The following EEA1 variants were observed in gnomAD, a reference collection of about 807,000 sequenced individuals.
The protein encoded by EEA1 is early endosome antigen 1, 162kD.
Under a neutral mutation model 209.2 loss-of-function variants are expected in EEA1, and 111 were observed. The observed-to-expected ratio is 0.53, with a 90% CI of 0.45 to 0.62. EEA1 has a LOEUF of 0.62. Ranked by LOEUF, EEA1 falls within the 20% of genes least tolerant of loss-of-function variation. The pLI is 0.00. For missense variants in EEA1, 1,343 were observed against 1,530.8 expected, an observed-to-expected ratio of 0.88 and a Z score of 2.05; for synonymous variants, 536 against 540.6, an observed-to-expected ratio of 0.99 and a Z score of 0.12.
At chr12:92,860,300 C>T (rs1321521479) in intron 3 of EEA1, among the ~76,000 whole-genome samples, 1 of 152,130 alleles carries the variant, frequency 6.6e-6, no homozygotes, top group Non-Finnish European at 1.5e-5. Flanking sequence ...GAGTACTCCA[C>T]ACTGCACAAT....
intron 9 of EEA1, among the ~76,000 whole-genome samples, chr12:92,848,153 T>G (rs990284692): frequency 1.3e-5 from 2 of 151,860 alleles, no homozygotes; most frequent in African/African-American, 4.8e-5. Context: ...AAAGATAAAT[T>G]TTTATGAAAA....
intron 21 of EEA1, among the ~76,000 whole-genome samples, chr12:92,791,493 C>T (rs889056621): frequency 1.3e-5 from 2 of 152,030 alleles, no homozygotes; most frequent in African/African-American, 4.8e-5. Context: ...TGATAAAACA[C>T]ACTTTAAACC....
intron 2 of EEA1, among the ~76,000 whole-genome samples, chr12:92,869,003 A>AT (rs1878515610): frequency 2.2e-5 from 2 of 90,936 alleles, no homozygotes; most frequent in South Asian, 1.2e-3. Context: ...GGATGGGTAG[A>AT]TTAAAAAAAA....
chr12:92,780,745 T>C (rs1251021739), intron 23 of EEA1, among the ~76,000 whole-genome samples: 1 of 152,206 alleles, frequency 6.6e-6, no homozygotes, highest in Non-Finnish European at 1.5e-5. Context: ...CTAGTTAGGA[T>C]ATTATCTCAG....
At chr12:92,894,167 C>T (rs1349753523) in intron 1 of EEA1, among the ~76,000 whole-genome samples, 1 of 152,146 alleles carries the variant, frequency 6.6e-6, no homozygotes, top group South Asian at 2.1e-4. Context: ...ACAACCCATA[C>T]CCATATAAGA....
At chr12:92,791,845 T>A (rs1165990999) in intron 21 of EEA1, among the ~76,000 whole-genome samples, 1 of 152,168 alleles carries the variant, frequency 6.6e-6, no homozygotes, top group African/African-American at 2.4e-5. Flanking sequence ...ACATCACACT[T>A]ATTCTAAAAT....
chr12:92,784,495 G>A (rs933528842), intron 22 of EEA1, among the ~76,000 whole-genome samples: 7 of 152,172 alleles, frequency 4.6e-5, no homozygotes, highest in African/African-American at 1.7e-4. Context: ...ACGCTTGCTA[G>A]AGCCTGGAAA....
chr12:92,859,026 G>A lies in EEA1; in HGVS notation c.246-1541C>T, dbSNP rs566378249. ...TTGTTAAAGGAGGTCTGTGCAGAAC[G>A]GTTCTTGTTCAGGTCTCTTATTCTA... On this transcript the variant is annotated intron_variant, in intron 3 of 28. Transcript: ENST00000322349. The A allele has an allele frequency of 7.9e-5, 54 of 686,946 alleles. No homozygotes were observed. In the African/African-American group the frequency reaches 9.1e-4, roughly 12 times the overall value. The allele number at this position is 686,946 out of a possible 1,614,324, so 42.6% of individuals were successfully genotyped here.
Position 92,801,616 on chromosome 12 carries a change from A to T in EEA1, c.2756T>A (p.Leu919His). Residue 919 changes from leucine (L) to histidine (H), a missense_variant, in exon 20 of 29, where the codon CTT becomes CAT. Coordinates refer to ENST00000322349, the MANE Select transcript of EEA1 (RefSeq NM_003566.4). ...AAATCTTACCTCCTTCTCTTTTTCA[A>T]GTGACTTTTTCAGTTCCTTCTGTTC... is the stretch of plus-strand genomic sequence containing the variant. ...LKEQKELKKS[L>H]EKEKEASHQL... is the part of the protein sequence containing the mutation. 1 of 1,587,052 alleles carries T rather than the reference A, an allele frequency of 6.3e-7. No individual in the cohort carries two copies. Among genetic ancestry groups the T allele is most frequent in the Middle Eastern group, 1.7e-4 (1 of 5,968 alleles).
chr12:92,795,471 T>C (rs1036540393), intron 21 of EEA1, among the ~76,000 whole-genome samples: 1 of 152,198 alleles, frequency 6.6e-6, no homozygotes, highest in Non-Finnish European at 1.5e-5. Context: ...TGGCATAAAA[T>C]AAGTGCCTAG....
chr12:92,834,305 A>C (rs75500096), intron 10 of EEA1, among the ~76,000 whole-genome samples: 5,954 of 152,254 alleles, frequency 0.039, 174 homozygotes, highest in Non-Finnish European at 0.061. Context: ...GCACTCTGTG[A>C]GGCTGAGACA....
intron 3 of EEA1, among the ~76,000 whole-genome samples, chr12:92,859,498 T>C (rs1235310313): frequency 3.3e-5 from 5 of 152,278 alleles, no homozygotes; most frequent in Middle Eastern, 3.4e-3. Context: ...TTAGTGAGCA[T>C]AGGTGATCCA....
chr12:92,901,253 T>G (rs1183381582), intron 1 of EEA1, among the ~76,000 whole-genome samples: 1 of 152,106 alleles, frequency 6.6e-6, no homozygotes, highest in Non-Finnish European at 1.5e-5. Flanking sequence ...GGTCTCTGTA[T>G]GTTGCCTAGG....
At chr12:92,875,227 G>A (rs181702797) in intron 2 of EEA1, among the ~76,000 whole-genome samples, 9 of 152,014 alleles carry the variant, frequency 5.9e-5, no homozygotes, top group Non-Finnish European at 8.8e-5. Context: ...TGAGGCAGGC[G>A]GATCACAAGG....
At chr12:92,816,088 T>C (rs1875769611) in intron 15 of EEA1, 112 bp downstream of exon 15, 1 of 953,842 alleles carries the variant, frequency 1.0e-6, no homozygotes, top group Non-Finnish European at 1.5e-6. Flanking sequence ...ATCTAATTCT[T>C]ATTTCAAATT....
chr12:92,839,729 A>T (rs755483321), intron 10 of EEA1, among the ~76,000 whole-genome samples: 2 of 152,176 alleles, frequency 1.3e-5, no homozygotes, highest in Non-Finnish European at 1.5e-5. Context: ...TTAAATTTCG[A>T]TATGACAAGT....
intron 3 of EEA1, chr12:92,858,327 C>G (rs1326044376): frequency 1.3e-6 from 1 of 774,878 alleles, no homozygotes. Flanking sequence ...ACAGAAAATG[C>G]TTCGTGAAGC....
chr12:92,872,920 C>T (rs1878718133), intron 2 of EEA1, among the ~76,000 whole-genome samples: 1 of 152,080 alleles, frequency 6.6e-6, no homozygotes, highest in East Asian at 1.9e-4. Context: ...CACCACTGCA[C>T]TCCAGCCTGG....
At chr12:92,822,067 T>C (rs1430381038) in intron 13 of EEA1, among the ~76,000 whole-genome samples, 1 of 151,582 alleles carries the variant, frequency 6.6e-6, no homozygotes, top group Non-Finnish European at 1.5e-5. Context: ...CCCCACTCCA[T>C]ATTTTCCTCC....
Sources: gnomAD v4.1 joint callset for allele counts (sites outside exome capture counted in the v4.1 genomes callset) on GRCh38, gnomAD v4.1.1 for gene constraint, MANE v1.5 for transcripts, NCBI Gene and HGNC (gene_info 2026-07-23, HGNC 2026-07-21) for gene names.